PLCG2: variants seen among roughly 807,000 people sequenced by gnomAD.
PLCG2 encodes the protein 1-phosphatidylinositol 4,5-bisphosphate phosphodiesterase gamma-2.
PLCG2 carries 69 observed loss-of-function variants against 175.6 expected under a neutral mutation model. That is an observed-to-expected ratio of 0.39 (90% confidence interval 0.32 to 0.48). The LOEUF (loss-of-function observed/expected upper bound fraction) is 0.48, where lower values mean the gene tolerates loss of function less well. PLCG2 is among the 20% of genes least tolerant of loss of function. PLCG2 has a pLI of 0.91. For missense variants in PLCG2, 1,798 were observed against 1,650.9 expected (o/e 1.09, Z -1.54); for synonymous variants, 827 against 624.0 (o/e 1.33, Z -4.85).
chr16:81,935,890 G>T (rs1201970146), intron 26 of PLCG2: 2 of 984,778 alleles, frequency 2.0e-6, no homozygotes, highest in East Asian at 1.1e-4. Flanking sequence ...GTGTTTTCTT[G>T]TTCAAGGATG....
chr16:81,817,169 C>T (rs1249197954), intron 2 of PLCG2, among the ~76,000 whole-genome samples: 2 of 151,998 alleles, frequency 1.3e-5, no homozygotes, highest in African/African-American at 2.4e-5. Flanking sequence ...ACAGGAAGAG[C>T]GCACATGATG....
rs748210655 is a variant in PLCG2 at position 81,936,384 on chromosome 16, G to A, written c.3052+6G>A. ...ACTCAATTTCCAGACGGCAGGTAAA[G>A]GCCGACTGAAGGTAGTCCCGTCCCT... is the stretch of plus-strand genomic sequence containing the variant. On this transcript the variant is annotated splice_donor_region_variant and intron_variant, in intron 27 of 32. Coordinates refer to ENST00000564138, the MANE Select transcript of PLCG2 (RefSeq NM_002661.5). 6.2e-6 allele frequency: 10 copies of A among 1,612,104 alleles called. No homozygotes were observed. The South Asian group carries it at 1.1e-4, about 18-fold the overall frequency.
intron 7 of PLCG2, among the ~76,000 whole-genome samples, chr16:81,874,723 C>G (rs1047502142): frequency 3.9e-5 from 6 of 152,152 alleles, no homozygotes; most frequent in Non-Finnish European, 5.9e-5. Flanking sequence ...CCATCGTGAG[C>G]TTGCTAGTTC....
At chr16:81,944,813 G>A (rs1211412219) in intron 30 of PLCG2, among the ~76,000 whole-genome samples, 3 of 152,034 alleles carry the variant, frequency 2.0e-5, no homozygotes, top group Non-Finnish European at 1.5e-5. Context: ...GAGCCTCCAA[G>A]GATTTTGGTA....
chr16:81,924,088 C>T (rs1226266036), intron 22 of PLCG2, among the ~76,000 whole-genome samples: 2 of 152,232 alleles, frequency 1.3e-5, no homozygotes, highest in Non-Finnish European at 2.9e-5. Context: ...GTGCTGTGTG[C>T]AATGGCCACA....
At chr16:81,807,653 A>G (rs1904287221) in intron 2 of PLCG2, among the ~76,000 whole-genome samples, 1 of 152,240 alleles carries the variant, frequency 6.6e-6, no homozygotes, top group African/African-American at 2.4e-5. Flanking sequence ...ACATTGAGGC[A>G]TAGCCCAGGG....
intron 18 of PLCG2, among the ~76,000 whole-genome samples, chr16:81,911,885 C>T (rs1363502743): frequency 7.2e-6 from 1 of 137,976 alleles, no homozygotes; most frequent in Non-Finnish European, 1.5e-5. Flanking sequence ...GCAACCTTTG[C>T]CTCCTGGGTT....
chr16:81,946,550 A>G (rs1228602509), intron 31 of PLCG2, among the ~76,000 whole-genome samples: 1 of 152,194 alleles, frequency 6.6e-6, no homozygotes, highest in Non-Finnish European at 1.5e-5. Flanking sequence ...AGCAAGAGCC[A>G]GGCCAGATGA....
intron 30 of PLCG2, among the ~76,000 whole-genome samples, chr16:81,940,657 C>CT (rs1567542772): frequency 6.6e-6 from 1 of 152,166 alleles, no homozygotes; most frequent in African/African-American, 2.4e-5. Flanking sequence ...CTGGGTCATA[C>CT]GACCAGCTCT....
chr16:81,765,536 CAGG>C (rs1910130285), intron 2 of PLCG2, among the ~76,000 whole-genome samples: 1 of 152,246 alleles, frequency 6.6e-6, no homozygotes, highest in African/African-American at 2.4e-5. Flanking sequence ...GAGGCTGAGG[CAGG>C]AGAATTGCTT....
At chr16:81,776,171 CA>C (rs1473093687), upstream of PLCG2, among the ~76,000 whole-genome samples, 1 of 146,526 alleles carries the variant, frequency 6.8e-6, no homozygotes, top group African/African-American at 2.5e-5. Context: ...TGCAGTGGTA[CA>C]ATCTCGGCTC....
At chr16:81,793,232 A>T (rs935147562) in intron 2 of PLCG2, among the ~76,000 whole-genome samples, 1 of 152,134 alleles carries the variant, frequency 6.6e-6, no homozygotes, top group Non-Finnish European at 1.5e-5. Flanking sequence ...GCATAGAGTT[A>T]AGGAGCTGGT....
At chr16:81,906,238 G>GT (rs1909365503) in intron 15 of PLCG2, 1 of 152,088 alleles carries the variant, frequency 6.6e-6, no homozygotes, top group African/African-American at 2.4e-5. Context: ...CGGTGCTGCC[G>GT]TGCATTTAGG....
intron 19 of PLCG2, among the ~76,000 whole-genome samples, chr16:81,916,214 TG>T (rs1310361701): frequency 1.3e-5 from 2 of 152,128 alleles, no homozygotes; most frequent in Non-Finnish European, 2.9e-5. Context: ...TCTAGCATTT[TG>T]TTTTTACAGG....
At position 81,841,022 on chromosome 16, in the gene PLCG2, C is replaced by T. The variant is rs544620463; in HGVS notation, c.194-13422C>T. Among the ~76,000 whole-genome samples, 103 of 152,240 alleles carry T rather than the reference C, an allele frequency of 6.8e-4. 1 individual carries two copies. The highest frequency in any genetic ancestry group is 2.5e-3 in the African/African-American group (103 of 41,544). ...TGAATAGTTCTGCATGAATATGAAG[C>T]ATTAGAATCACAGACCTAATTATTT... On this transcript the variant is annotated intron_variant, in intron 2 of 32. Transcript: ENST00000564138.
intron 1 of PLCG2, among the ~76,000 whole-genome samples, chr16:81,784,798 T>C (rs1437967753): frequency 6.6e-6 from 1 of 152,184 alleles, no homozygotes; most frequent in East Asian, 1.9e-4. Context: ...AAGTGACTTC[T>C]TGCAGCCTAG....
chr16:81,894,673 GA>G (rs770122437), intron 12 of PLCG2, among the ~76,000 whole-genome samples: 68 of 152,272 alleles, frequency 4.5e-4, no homozygotes, highest in Non-Finnish European at 4.7e-4. Context: ...AGGAGCTTGA[GA>G]TCAGTCTGGC....
At chr16:81,743,981 C>T (rs1240147507) in intron 1 of PLCG2, among the ~76,000 whole-genome samples, 10 of 151,964 alleles carry the variant, frequency 6.6e-5, no homozygotes, top group Non-Finnish European at 1.5e-4. Context: ...GCCTCGGCCT[C>T]CCAAGTAGCT....
chr16:81,761,653 T>C (rs1303212248), intron 2 of PLCG2, among the ~76,000 whole-genome samples: 2 of 152,144 alleles, frequency 1.3e-5, no homozygotes, highest in Non-Finnish European at 2.9e-5. Flanking sequence ...GAGGATGGGA[T>C]GAGTTAACAG....
Sources: gnomAD v4.1 joint callset for allele counts (sites outside exome capture counted in the v4.1 genomes callset) on GRCh38, gnomAD v4.1.1 for gene constraint, MANE v1.5 for transcripts, NCBI Gene and HGNC (gene_info 2026-07-23, HGNC 2026-07-21) for gene names.